ABCC9: variants seen among roughly 807,000 people sequenced by gnomAD.
The protein encoded by ABCC9 is ATP binding cassette subfamily C member 9, also known as ATP-binding cassette sub-family C member 9.
In ABCC9, 95 loss-of-function variants were observed where a neutral mutation model predicts 188.3. The observed-to-expected ratio is 0.50, with a 90% confidence interval of 0.43 to 0.60. ABCC9 has a LOEUF of 0.60. Ranked by LOEUF, ABCC9 falls within the 20% of genes least tolerant of loss-of-function variation. The probability of loss-of-function intolerance (pLI) is 0.00; values close to 1 mark genes in which losing one functional copy is unlikely to be tolerated. For missense variants in ABCC9, 1,102 were observed against 1,876.3 expected (o/e 0.59, Z 7.62); for synonymous variants, 659 against 652.7 (o/e 1.01, Z -0.15).
At chr12:21,877,475 G>A (rs1278053849) in intron 16 of ABCC9, among the ~76,000 whole-genome samples, 1 of 152,184 alleles carries the variant, frequency 6.6e-6, no homozygotes, top group Non-Finnish European at 1.5e-5. Flanking sequence ...TGGGGCAGAG[G>A]TGGCTGGGGC....
Position 21,810,453 on chromosome 12 carries a change from A to T in ABCC9, c.4212-498T>A, listed in dbSNP as rs554883047. Among the ~76,000 whole-genome samples, 2 of 152,204 alleles carry T rather than the reference A, an allele frequency of 1.3e-5. 1 individual carries two copies. The highest frequency in any genetic ancestry group is 3.9e-4 in the East Asian group (2 of 5,194). ...AAAGAAAGAGGTTTAATTGACTTGC[A>T]GTTCTGCAGGGCTGGGGAGGTCTCA... On this transcript the variant is annotated intron_variant, in intron 36 of 39. Coordinates refer to ENST00000261200, the MANE Select transcript of ABCC9 (RefSeq NM_020297.4).
intron 15 of ABCC9, among the ~76,000 whole-genome samples, chr12:21,886,626 A>G (rs1250261429): frequency 6.6e-6 from 1 of 152,148 alleles, no homozygotes; most frequent in African/African-American, 2.4e-5. Flanking sequence ...AACAAAAATT[A>G]TATTACTCCC....
At chr12:21,872,149 C>T (rs1565764259) in intron 18 of ABCC9, among the ~76,000 whole-genome samples, 1 of 152,244 alleles carries the variant, frequency 6.6e-6, no homozygotes, top group East Asian at 1.9e-4. Context: ...CTAGACGCTT[C>T]TAGTATCTAG....
intron 12 of ABCC9, among the ~76,000 whole-genome samples, chr12:21,897,675 C>A (rs1180439522): frequency 6.6e-6 from 1 of 152,192 alleles, no homozygotes; most frequent in Non-Finnish European, 1.5e-5. Flanking sequence ...CTGTTCAACT[C>A]ACCACCAACA....
chr12:21,915,514 A>ATATATATATATATATATTTTT, intron 7 of ABCC9, among the ~76,000 whole-genome samples, 154 bp downstream of exon 7: 1 of 3,520 alleles, frequency 2.8e-4, no homozygotes, highest in African/African-American at 1.1e-3. Context: ...ATATATATAT[A>ATATATATATATATATATTTTT]TTTTTTTTTT....
At position 21,842,220 on chromosome 12, in the gene ABCC9, A is replaced by G. The variant is rs569063687; in HGVS notation, c.3473+94T>C. ...GAACTTCGTGGAATGTTTTCTTTCC[A>G]AATATTTTTGATCTGTTGTTGGCAG... On this transcript the variant is annotated intron_variant, in intron 29 of 39. Transcript: ENST00000261200. The G allele has an allele frequency of 9.1e-5, 133 of 1,455,090 alleles. 1 individual carries two copies. In the South Asian group the frequency reaches 1.5e-3, roughly 17 times the overall value. 90.1% of individuals were successfully genotyped at this position (1,455,090 alleles called of 1,614,324 possible). A position where few individuals can be genotyped will look rare whatever the true frequency, so the allele number is the denominator to read the frequency against.
intron 35 of ABCC9, among the ~76,000 whole-genome samples, chr12:21,813,967 G>T (rs1942434739): frequency 6.6e-6 from 1 of 152,068 alleles, no homozygotes; most frequent in Non-Finnish European, 1.5e-5. Context: ...TTCATTGCTG[G>T]ATCCTCTTTC....
intron 2 of ABCC9, among the ~76,000 whole-genome samples, chr12:21,937,429 A>G (rs1949530968): frequency 6.6e-6 from 1 of 152,262 alleles, no homozygotes; most frequent in East Asian, 1.9e-4. Context: ...GAGAGGAAAC[A>G]GAGGACAAGG....
intron 13 of ABCC9, 78 bp from the exon 14 acceptor site, chr12:21,894,252 C>T: frequency 6.7e-7 from 1 of 1,494,182 alleles, no homozygotes; most frequent in Non-Finnish European, 9.3e-7. Flanking sequence ...AGAAACCTAA[C>T]ATATTCTGCT....
intron 22 of ABCC9, among the ~76,000 whole-genome samples, chr12:21,857,703 C>T (rs1003599945): frequency 2.6e-5 from 4 of 152,104 alleles, no homozygotes; most frequent in African/African-American, 9.7e-5. Flanking sequence ...GTCAGAGAGA[C>T]ATCATGTTGC....
chr12:21,829,271 G>A (rs1482571968), intron 30 of ABCC9, among the ~76,000 whole-genome samples: 5 of 128,152 alleles, frequency 3.9e-5, no homozygotes, highest in South Asian at 2.6e-4. Context: ...GCGCGATCTC[G>A]GCTCACTGCA....
At chr12:21,938,869 T>A (rs1949593519) in intron 2 of ABCC9, among the ~76,000 whole-genome samples, 1 of 152,174 alleles carries the variant, frequency 6.6e-6, no homozygotes, top group Non-Finnish European at 1.5e-5. Context: ...CTCAGAGAAG[T>A]ACAATCACCT....
At chr12:21,930,195 A>G (rs984630825) in intron 4 of ABCC9, among the ~76,000 whole-genome samples, 2 of 152,078 alleles carry the variant, frequency 1.3e-5, no homozygotes, top group Non-Finnish European at 2.9e-5. Flanking sequence ...TCCATGGTGT[A>G]TATGTGCCAC....
chr12:21,852,200 C>T lies in ABCC9; in HGVS notation c.2666G>A (p.Ser889Asn), dbSNP rs144158922. The change falls in exon 24 of 40, where the codon AGT (serine) becomes AAT (asparagine). Residue 889 changes from serine (S) to asparagine (N), a missense_variant. Transcript: ENST00000261200. Reference sequence around the variant, plus strand: ...CTTCAAAGTTCCTTCTCTTAGGACACTTCCATCTTTCATGGCTATGATCTA... The same window carrying T: ...CTTCAAAGTTCCTTCTCTTAGGACATTTCCATCTTTCATGGCTATGATCTA... ...ADWIIAMKDG[S>N]VLREGTLKDI... 8 of 1,613,812 alleles carry T rather than the reference C, an allele frequency of 5.0e-6. No individual in the cohort carries two copies. Among genetic ancestry groups the T allele is most frequent in the Non-Finnish European group, 6.8e-6 (8 of 1,179,910 alleles).
chr12:21,905,477 A>C (rs1004679438), intron 12 of ABCC9, among the ~76,000 whole-genome samples: 2 of 152,092 alleles, frequency 1.3e-5, no homozygotes, highest in Non-Finnish European at 2.9e-5. Flanking sequence ...GAGTTACTAT[A>C]TTTTGTAAAT....
chr12:21,809,780 A>G (rs1565684847), intron 37 of ABCC9, 72 bp downstream of exon 37: 1 of 891,912 alleles, frequency 1.1e-6, no homozygotes, highest in South Asian at 1.4e-5. Context: ...TGATTATAGC[A>G]TAAAACGTAG....
intron 5 of ABCC9, among the ~76,000 whole-genome samples, chr12:21,917,425 T>C (rs560734563): frequency 1.3e-5 from 2 of 152,304 alleles, no homozygotes; most frequent in East Asian, 3.9e-4. Flanking sequence ...AGTAGCTTTA[T>C]CTTCTGGTCC....
intron 22 of ABCC9, among the ~76,000 whole-genome samples, chr12:21,853,189 T>A (rs1278685101): frequency 2.0e-5 from 3 of 151,896 alleles, no homozygotes; most frequent in Non-Finnish European, 1.5e-5. Context: ...TGTCGTGGGC[T>A]TGTAATCCCA....
At chr12:21,884,790 A>G (rs1342566650) in intron 15 of ABCC9, among the ~76,000 whole-genome samples, 1 of 144,330 alleles carries the variant, frequency 6.9e-6, no homozygotes, top group Admixed American at 7.0e-5. Context: ...CTTAGAGAGG[A>G]GGAGAGTATG....
Sources: gnomAD v4.1 joint callset for allele counts (sites outside exome capture counted in the v4.1 genomes callset) on GRCh38, gnomAD v4.1.1 for gene constraint, MANE v1.5 for transcripts, NCBI Gene and HGNC (gene_info 2026-07-23, HGNC 2026-07-21) for gene names.